PDE4D: variants seen among roughly 807,000 people sequenced by gnomAD.
PDE4D encodes the protein 3',5'-cyclic-AMP phosphodiesterase 4D.
A neutral mutation model predicts 87.4 loss-of-function variants in PDE4D; 24 were observed. The observed-to-expected ratio is 0.27, with a 90% CI of 0.20 to 0.39. PDE4D has a LOEUF of 0.39. Among genes scored for constraint, PDE4D ranks in the 10% least tolerant of loss-of-function variants. PDE4D has a pLI of 1.00. For missense variants in PDE4D, 714 were observed against 1,041.0 expected (o/e 0.69, Z 4.32); for synonymous variants, 384 against 383.2 (o/e 1.00, Z -0.02).
At chr5:59,199,388 G>A (rs1746221147) in intron 2 of PDE4D, among the ~76,000 whole-genome samples, 1 of 151,704 alleles carries the variant, frequency 6.6e-6, no homozygotes, top group Non-Finnish European at 1.5e-5. Context: ...CCACCGCGCT[G>A]GCCGAATGGA....
intron 1 of PDE4D, among the ~76,000 whole-genome samples, chr5:60,349,897 T>G (rs1032386424): frequency 1.2e-4 from 18 of 152,166 alleles, no homozygotes; most frequent in Admixed American, 3.9e-4. Context: ...AGCAATTGTG[T>G]ATACTTCTTG....
chr5:60,400,793 G>T (rs1012152752), intron 1 of PDE4D, among the ~76,000 whole-genome samples: 6 of 152,016 alleles, frequency 3.9e-5, no homozygotes, highest in Non-Finnish European at 8.8e-5. Context: ...TTAGCCGGGC[G>T]TGGTGGCAGG....
At chr5:60,455,112 A>G (rs963464334) in intron 1 of PDE4D, among the ~76,000 whole-genome samples, 1 of 152,184 alleles carries the variant, frequency 6.6e-6, no homozygotes, top group Non-Finnish European at 1.5e-5. Context: ...TATAGGGTAT[A>G]AAATTTTAAA....
intron 5 of PDE4D, among the ~76,000 whole-genome samples, chr5:59,111,186 T>C (rs1285341298): frequency 6.6e-6 from 1 of 152,236 alleles, no homozygotes; most frequent in African/African-American, 2.4e-5. Context: ...TCCCTTGGGA[T>C]ATTCAATGCT....
chr5:60,144,125 G>A (rs1026654254), intron 2 of PDE4D, among the ~76,000 whole-genome samples: 9 of 152,098 alleles, frequency 5.9e-5, no homozygotes, highest in Non-Finnish European at 1.2e-4. Flanking sequence ...CAGCGGCAGC[G>A]GTGACCTCCA....
At chr5:59,779,340 ACT>A (rs1369755063) in intron 1 of PDE4D, among the ~76,000 whole-genome samples, 1 of 152,068 alleles carries the variant, frequency 6.6e-6, no homozygotes. Flanking sequence ...CCCCCAGGTA[ACT>A]CTGTTACCAG....
chr5:59,054,352 T>C (rs1370251329), intron 5 of PDE4D, among the ~76,000 whole-genome samples: 1 of 152,218 alleles, frequency 6.6e-6, no homozygotes, highest in Admixed American at 6.5e-5. Context: ...TTTTATACTA[T>C]AACCTGGTAG....
intron 1 of PDE4D, among the ~76,000 whole-genome samples, chr5:60,421,076 T>C (rs999334759): frequency 6.6e-6 from 1 of 152,256 alleles, no homozygotes; most frequent in African/African-American, 2.4e-5. Context: ...CAAAGCCTAC[T>C]GCCTCTATAG....
chr5:59,685,996 T>C (rs1295483316), intron 1 of PDE4D, among the ~76,000 whole-genome samples: 1 of 152,072 alleles, frequency 6.6e-6, no homozygotes, highest in Non-Finnish European at 1.5e-5. Context: ...CTTAGACACA[T>C]AGTGAAAAAC....
At chr5:60,328,795 G>C (rs1270241830) in intron 1 of PDE4D, among the ~76,000 whole-genome samples, 1 of 152,160 alleles carries the variant, frequency 6.6e-6, no homozygotes, top group South Asian at 2.1e-4. Context: ...TGAACTAAGG[G>C]CACTTGAATA....
chr5:59,451,986 T>C (rs1201273710), intron 1 of PDE4D, among the ~76,000 whole-genome samples: 1 of 152,202 alleles, frequency 6.6e-6, no homozygotes, highest in Non-Finnish European at 1.5e-5. Flanking sequence ...CCTTGTCCAA[T>C]CCATGAGGCC....
chr5:59,498,884 A>C (rs1449911806), intron 1 of PDE4D, among the ~76,000 whole-genome samples: 1 of 152,068 alleles, frequency 6.6e-6, no homozygotes, highest in African/African-American at 2.4e-5. Flanking sequence ...ACTAACAAAA[A>C]ATTTTGTATT....
chr5:58,975,072 G>A lies in PDE4D; in HGVS notation c.2022C>T (p.Phe674=). The A allele has an allele frequency of 1.3e-6, 2 of 1,498,410 alleles. No homozygotes were observed. The highest frequency in any genetic ancestry group is 1.8e-6 in the Non-Finnish European group (2 of 1,117,580). The allele number at this position is 1,498,410 out of a possible 1,614,324, so 92.8% of individuals were successfully genotyped here. A position where few individuals can be genotyped will look rare whatever the true frequency, so the allele number is the denominator to read the frequency against. The part of the protein sequence containing the change: ...NASVEKSQVG[F]IDYIVHPLWE... Reference sequence around the variant, plus strand: ...AGAGGGGATGAACAATATAGTCTATGAAGCCCACCTAGTTAAGAAAAAAAT... The same window carrying A: ...AGAGGGGATGAACAATATAGTCTATAAAGCCCACCTAGTTAAGAAAAAAAT... The change falls in exon 15 of 15, where the codon TTC becomes TTT. Residue 674 remains phenylalanine (F), a synonymous_variant. Coordinates refer to ENST00000340635, the MANE Select transcript of PDE4D (RefSeq NM_001104631.2). The surrounding 1 kb of genome is among the most constrained non-coding windows in gnomAD (Gnocchi z 4.2).
At chr5:60,274,322 A>G (rs1183740972) in intron 1 of PDE4D, among the ~76,000 whole-genome samples, 2 of 143,614 alleles carry the variant, frequency 1.4e-5, no homozygotes, top group East Asian at 4.1e-4. Context: ...TTTTGTTGTT[A>G]TTTGTTTGGT....
At chr5:59,056,222 G>A (rs1283408335) in intron 5 of PDE4D, among the ~76,000 whole-genome samples, 3 of 152,122 alleles carry the variant, frequency 2.0e-5, no homozygotes, top group African/African-American at 7.2e-5. Context: ...GCACTAGGCT[G>A]CAGGCACACC....
At chr5:59,431,263 A>C (rs1433503935) in intron 1 of PDE4D, among the ~76,000 whole-genome samples, 1 of 152,134 alleles carries the variant, frequency 6.6e-6, no homozygotes, top group Non-Finnish European at 1.5e-5. Flanking sequence ...GATATTAAAT[A>C]ATTCTACTGA....
At chr5:59,169,353 C>T (rs752206550) in intron 5 of PDE4D, among the ~76,000 whole-genome samples, 16 of 151,162 alleles carry the variant, frequency 1.1e-4, no homozygotes, top group Non-Finnish European at 2.2e-4. Context: ...TTTAAGGAGA[C>T]TTGGTACTGT....
intron 1 of PDE4D, among the ~76,000 whole-genome samples, chr5:60,233,031 G>A (rs1168720605): frequency 6.6e-6 from 1 of 151,714 alleles, no homozygotes; most frequent in Non-Finnish European, 1.5e-5. Flanking sequence ...TTTGAGGATT[G>A]GATTCTAAAA....
chr5:59,567,187 C>T (rs182039697), intron 1 of PDE4D, among the ~76,000 whole-genome samples: 7 of 152,228 alleles, frequency 4.6e-5, no homozygotes, highest in Admixed American at 4.6e-4. Flanking sequence ...CATCTAGCCA[C>T]GTCAAAAAAA....
Sources: gnomAD v4.1 joint callset for allele counts (sites outside exome capture counted in the v4.1 genomes callset) on GRCh38, gnomAD v4.1.1 for gene constraint, Gnocchi (gnomAD v3.1) non-coding constraint, MANE v1.5 for transcripts, NCBI Gene and HGNC (gene_info 2026-07-23, HGNC 2026-07-21) for gene names.